The following DAB1 variants were observed in gnomAD, a reference collection of about 807,000 sequenced individuals.
DAB1 encodes DAB adaptor protein 1.
In DAB1, 15 loss-of-function variants were observed where a neutral mutation model predicts 64.6. The ratio of observed to expected loss-of-function variants is 0.23; its 90% CI spans 0.16 to 0.36. The LOEUF (loss-of-function observed/expected upper bound fraction) is 0.36. Among genes scored for constraint, DAB1 ranks in the 10% least tolerant of loss-of-function variants. The pLI is 1.00. For synonymous variants in DAB1, 235 were observed against 251.9 expected (o/e 0.93, Z 0.64); for missense variants, 596 against 706.7 (o/e 0.84, Z 1.78).
At chr1:58,323,262 AT>A (rs1569641937) in intron 4 of DAB1, among the ~76,000 whole-genome samples, 25 of 148,198 alleles carry the variant, frequency 1.7e-4, no homozygotes, top group Admixed American at 1.1e-3. Context: ...AATAATAATA[AT>A]AATAAAATAT....
At chr1:58,080,656 G>A (rs17116847) in intron 5 of DAB1, among the ~76,000 whole-genome samples, 28,522 of 152,150 alleles carry the variant, frequency 0.19, 2,934 homozygotes, top group East Asian at 0.37. Context: ...CCTCACTGTC[G>A]TAGAATTTTA....
chr1:58,414,866 C>A (rs1644704113), intron 3 of DAB1, among the ~76,000 whole-genome samples: 1 of 151,070 alleles, frequency 6.6e-6, no homozygotes, highest in South Asian at 2.1e-4. Context: ...TATTTACAGC[C>A]AAAGATCTCG....
chr1:57,854,979 GT>G (rs1240722250), intron 1 of DAB1, among the ~76,000 whole-genome samples: 1 of 152,170 alleles, frequency 6.6e-6, no homozygotes, highest in Non-Finnish European at 1.5e-5. Flanking sequence ...GTTTTCCGTA[GT>G]TTTTCTTTTC....
At chr1:58,191,612 A>G (rs1382176565) in intron 4 of DAB1, among the ~76,000 whole-genome samples, 1 of 152,188 alleles carries the variant, frequency 6.6e-6, no homozygotes, top group Non-Finnish European at 1.5e-5. Context: ...TCTTTCCAAA[A>G]TGATGCTTTG....
chr1:58,158,133 A>G (rs528829505), intron 4 of DAB1, among the ~76,000 whole-genome samples: 26 of 152,168 alleles, frequency 1.7e-4, no homozygotes, highest in African/African-American at 6.3e-4. Context: ...TATTCTCTTC[A>G]TTTGCATGGA....
Position 57,435,046 on chromosome 1 carries a change from CTTTT to C in DAB1, n.626-143884_626-143881del, listed in dbSNP as rs71580850. Among the ~76,000 whole-genome samples, 126 of 93,092 alleles carry C rather than the reference CTTTT, an allele frequency of 1.4e-3. 1 individual carries two copies. Among genetic ancestry groups the C allele is most frequent in the African/African-American group, 5.2e-3 (120 of 23,254 alleles). The allele number at this position is 93,092 out of a possible 152,430, so 61.1% of individuals were successfully genotyped here. A position where few individuals can be genotyped will look rare whatever the true frequency, so the allele number is the denominator to read the frequency against. ...GACTCTCTTTTTCTTTTCTTTTTTT[CTTTT>C]TTTTTTTTTTTTTTTTGAGAGAGAG... On this transcript the variant is annotated intron_variant and non_coding_transcript_variant, in intron 7 of 20. Transcript: ENST00000485760.
intron 7 of DAB1, among the ~76,000 whole-genome samples, chr1:57,527,251 A>G (rs1570598152): frequency 1.3e-5 from 2 of 152,192 alleles, no homozygotes; most frequent in African/African-American, 4.8e-5. Flanking sequence ...GAGCTCTCAT[A>G]CAGTTCCTCC....
At chr1:57,388,133 A>G (rs1052478996) in intron 1 of DAB1, among the ~76,000 whole-genome samples, 2 of 152,004 alleles carry the variant, frequency 1.3e-5, no homozygotes, top group African/African-American at 4.8e-5. Flanking sequence ...TCCTTTACAC[A>G]TTTCTCCTTG....
rs113919030 is a variant in DAB1 at position 57,947,245 on chromosome 1, A to C, written n.388-63083T>G. On this transcript the variant is annotated intron_variant and non_coding_transcript_variant, in intron 5 of 20. Transcript: ENST00000485760. ...TCTGACTCCAAAGCATGTGATCTTC[A>C]TACTAGAATTCTCAGAGATGACAGC... Among the ~76,000 whole-genome samples, 1,070 of 152,260 alleles carry C rather than the reference A, an allele frequency of 7.0e-3. 16 individuals are homozygous for C. The highest frequency in any genetic ancestry group is 0.025 in the African/African-American group (1,026 of 41,560).
At chr1:57,730,825 A>T (rs111672159) in intron 6 of DAB1, among the ~76,000 whole-genome samples, 97 of 152,338 alleles carry the variant, frequency 6.4e-4, no homozygotes, top group African/African-American at 2.1e-3. Context: ...CCAGAAAATT[A>T]TAAGTGTTGG....
chr1:57,968,361 A>T (rs1284853419), intron 5 of DAB1, among the ~76,000 whole-genome samples: 1 of 152,186 alleles, frequency 6.6e-6, no homozygotes, highest in African/African-American at 2.4e-5. Context: ...GAATCAGAGA[A>T]GGCAGGAAGA....
At chr1:57,026,335 T>A (rs997163578) in intron 9 of DAB1, among the ~76,000 whole-genome samples, 1 of 152,196 alleles carries the variant, frequency 6.6e-6, no homozygotes, top group African/African-American at 2.4e-5. Context: ...TTATTTACCA[T>A]CAAATGCCAG....
At chr1:58,039,537 C>T (rs1371270137) in intron 5 of DAB1, among the ~76,000 whole-genome samples, 1 of 152,150 alleles carries the variant, frequency 6.6e-6, no homozygotes, top group Non-Finnish European at 1.5e-5. Context: ...CCTTGCCATA[C>T]CAAAATAATA....
At chr1:57,918,053 G>A (rs1014132287) in intron 5 of DAB1, among the ~76,000 whole-genome samples, 1 of 148,206 alleles carries the variant, frequency 6.7e-6, no homozygotes, top group Middle Eastern at 3.5e-3. Flanking sequence ...GGGTGACAGA[G>A]TGAGACTCCG....
chr1:58,252,764 T>G (rs534534653), intron 4 of DAB1, among the ~76,000 whole-genome samples: 1 of 152,282 alleles, frequency 6.6e-6, no homozygotes, highest in South Asian at 2.1e-4. Flanking sequence ...TGCTCTTGAC[T>G]TTCTCCTTCT....
intron 5 of DAB1, among the ~76,000 whole-genome samples, chr1:57,990,458 C>A (rs1302197545): frequency 6.6e-6 from 1 of 152,252 alleles, no homozygotes; most frequent in Non-Finnish European, 1.5e-5. Context: ...CTTTAAGCGT[C>A]TCACATACAT....
At chr1:57,049,450 CAAAAAAAAAA>C (rs574438911) in intron 9 of DAB1, among the ~76,000 whole-genome samples, 5 of 24,586 alleles carry the variant, frequency 2.0e-4, no homozygotes, top group African/African-American at 4.4e-4. Flanking sequence ...GACTCCGTCT[CAAAAAAAAAA>C]AAAAAAAAAA....
intron 2 of DAB1, among the ~76,000 whole-genome samples, chr1:57,201,786 G>A (rs1201336394): frequency 6.6e-6 from 1 of 152,034 alleles, no homozygotes; most frequent in South Asian, 2.1e-4. Context: ...TGGAGAACAG[G>A]GATCAGTTCT....
At position 57,015,448 on chromosome 1, in the gene DAB1, G is replaced by A; in HGVS notation, c.896-17C>T. ...CAACGTAACCTGGGAGAATGAAAAA[G>A]GAGAGTCAGGTGTTTCCCTGGTGTC... On this transcript the variant is annotated splice_polypyrimidine_tract_variant and intron_variant, in intron 11 of 14. Transcript: ENST00000371236. 6.3e-7 allele frequency: 1 copy of A among 1,587,970 alleles called. No individual in the cohort carries two copies. The highest frequency in any genetic ancestry group is 8.6e-7 in the Non-Finnish European group (1 of 1,166,914).
Sources: allele counts gnomAD v4.1 joint callset (sites outside exome capture counted in the v4.1 genomes callset), GRCh38; gene constraint gnomAD v4.1.1; transcripts MANE v1.5; gene names NCBI Gene and HGNC (gene_info 2026-07-23, HGNC 2026-07-21).